ANTXR1: variants seen among roughly 807,000 people sequenced by gnomAD.
ANTXR1 encodes ANTXR cell adhesion molecule 1, also known as anthrax toxin receptor 1.
A neutral mutation model predicts 78.1 loss-of-function variants in ANTXR1; 19 were observed. The observed-to-expected ratio is 0.24, with a 90% CI of 0.17 to 0.36. ANTXR1 has a LOEUF of 0.36. Among genes scored for constraint, ANTXR1 ranks in the 10% least tolerant of loss-of-function variants. The pLI, the probability that ANTXR1 is intolerant of heterozygous loss-of-function variation, is 1.00. For missense variants in ANTXR1, 518 were observed against 718.6 expected (o/e 0.72, Z 3.19); for synonymous variants, 273 against 260.5 (o/e 1.05, Z -0.46).
chr2:69,139,796 G>T (rs1014757385), intron 12 of ANTXR1, among the ~76,000 whole-genome samples: 2 of 152,152 alleles, frequency 1.3e-5, no homozygotes, highest in African/African-American at 4.8e-5. Flanking sequence ...GACCAATTGA[G>T]CATATACATT....
chr2:69,142,126 G>A (rs987118140), intron 12 of ANTXR1, among the ~76,000 whole-genome samples: 1 of 152,172 alleles, frequency 6.6e-6, no homozygotes, highest in Non-Finnish European at 1.5e-5. Context: ...TTTAGGATTT[G>A]GATCATCTTT....
chr2:69,216,841 C>T (rs1368816564), intron 17 of ANTXR1, among the ~76,000 whole-genome samples: 2 of 152,234 alleles, frequency 1.3e-5, no homozygotes, highest in African/African-American at 2.4e-5. Context: ...GTTCTTCCTA[C>T]ATTCTTGACC....
chr2:69,163,183 A>T (rs1363266692), intron 13 of ANTXR1, among the ~76,000 whole-genome samples: 2 of 152,072 alleles, frequency 1.3e-5, no homozygotes, highest in Non-Finnish European at 2.9e-5. Flanking sequence ...GACGGAAGGA[A>T]GGACATTCTT....
At chr2:69,106,939 G>A (rs994580467) in intron 10 of ANTXR1, among the ~76,000 whole-genome samples, 2 of 152,204 alleles carry the variant, frequency 1.3e-5, no homozygotes, top group African/African-American at 4.8e-5. Flanking sequence ...ACATGAAACA[G>A]ATCATAGGGG....
chr2:69,245,143 C>T lies in ANTXR1; in HGVS notation c.1435-82C>T, dbSNP rs1252865878. The T allele has an allele frequency of 9.7e-6, 15 of 1,553,276 alleles. No individual in the cohort carries two copies. The African/African-American group carries it at 1.5e-4, about 15-fold the overall frequency. On this transcript the variant is annotated intron_variant, in intron 17 of 17. Coordinates refer to ENST00000303714, the MANE Select transcript of ANTXR1 (RefSeq NM_032208.3). ...ACAGGGGCCAGCTTTCCACATATTG[C>T]TTGCAAGCCGCCCACCACAGCACCA... is the stretch of plus-strand genomic sequence containing the variant.
In ANTXR1 at chr2:69,073,110, C is replaced by T. The variant is rs757240018; in HGVS notation, c.492+9C>T. 2.0e-5 allele frequency: 32 copies of T among 1,613,594 alleles called. No homozygotes were observed. Among genetic ancestry groups the T allele is most frequent in the African/African-American group, 8.0e-5 (6 of 74,910 alleles). ...TCTATTCAGAGAGGGAGGTAAGCAACGGCCTGGCTGTGTCTAAACATATAC... is the reference window on the plus strand; with the variant it reads ...TCTATTCAGAGAGGGAGGTAAGCAATGGCCTGGCTGTGTCTAAACATATAC... On this transcript the variant is annotated intron_variant, in intron 6 of 17. Coordinates refer to ENST00000303714, the MANE Select transcript of ANTXR1 (RefSeq NM_032208.3).
chr2:69,013,408 G>A lies in ANTXR1; in HGVS notation c.-92G>A. ...GCGAGGGGGAATAAAGGACCCGCGA[G>A]GAAGGGCCCGCGGATGGCGCGTCCC... On this transcript the variant is annotated 5_prime_UTR_variant, in exon 1 of 18. Coordinates refer to ENST00000303714, the MANE Select transcript of ANTXR1 (RefSeq NM_032208.3). This position sits in a 1 kb window ranked among gnomAD's most constrained non-coding sequence, Gnocchi z 5.0. The A allele has an allele frequency of 1.3e-6, 2 of 1,541,146 alleles. No homozygotes were observed. Among genetic ancestry groups the A allele is most frequent in the South Asian group, 1.2e-5 (1 of 84,424 alleles).
At chr2:69,163,160 G>A (rs59195633) in intron 13 of ANTXR1, among the ~76,000 whole-genome samples, 30,823 of 151,878 alleles carry the variant, frequency 0.2, 4,472 homozygotes, top group East Asian at 0.48. Flanking sequence ...GTGGCTTTGA[G>A]CTACAGAAAC....
chr2:69,022,980 C>T (rs1370201864), intron 1 of ANTXR1, among the ~76,000 whole-genome samples: 3 of 152,208 alleles, frequency 2.0e-5, no homozygotes, highest in Admixed American at 1.3e-4. Context: ...AGCCAGGACA[C>T]TCCTTTGCTT....
rs150115584 is a variant in ANTXR1, at chr2:69,245,229, G to A, written c.1439G>A (p.Arg480His). Reference sequence around the variant, plus strand: ...TTCTCTCCAATTCTTTTCTAGGGGCGCTGCATCAACTTCACCAGGGTCAAG... The same window carrying A: ...TTCTCTCCAATTCTTTTCTAGGGGCACTGCATCAACTTCACCAGGGTCAAG... ...VMRPQPGDTG[R>H]CINFTRVKNN... The change falls in exon 18 of 18, where the codon CGC becomes CAC. Residue 480 changes from arginine (R) to histidine (H), a missense_variant. Transcript: ENST00000303714. 2.2e-4 allele frequency: 352 copies of A among 1,613,912 alleles called. No homozygotes were observed. Among genetic ancestry groups the A allele is most frequent in the Non-Finnish European group, 1.4e-4 (165 of 1,179,984 alleles).
intron 12 of ANTXR1, chr2:69,146,220 G>T (rs753362123): frequency 2.3e-4 from 225 of 985,256 alleles, no homozygotes; most frequent in Non-Finnish European, 2.6e-4. Flanking sequence ...GAAAATGGAT[G>T]ATCCCCCAAC....
chr2:69,108,730 T>C (rs1372024989), intron 10 of ANTXR1, among the ~76,000 whole-genome samples: 1 of 152,204 alleles, frequency 6.6e-6, no homozygotes, highest in African/African-American at 2.4e-5. Flanking sequence ...TGGTTTTCTC[T>C]TCCTGCATTA....
chr2:69,186,378 G>T (rs565881223), intron 16 of ANTXR1, among the ~76,000 whole-genome samples: 17 of 152,352 alleles, frequency 1.1e-4, no homozygotes, highest in African/African-American at 4.1e-4. Flanking sequence ...TCCACAATGA[G>T]TCCCGTGCTA....
intron 1 of ANTXR1, among the ~76,000 whole-genome samples, chr2:69,022,035 A>T (rs749166525): frequency 6.6e-6 from 1 of 152,188 alleles, no homozygotes; most frequent in Non-Finnish European, 1.5e-5. Flanking sequence ...AGAAATGGAG[A>T]TTAGACATGC....
chr2:69,144,724 A>G (rs62134411), intron 12 of ANTXR1, among the ~76,000 whole-genome samples: 17,218 of 152,314 alleles, frequency 0.11, 1,119 homozygotes, highest in South Asian at 0.15. Context: ...CTTACAAGAT[A>G]GTCTAACCGT....
chr2:69,170,251 A>G lies in ANTXR1; in HGVS notation c.1051A>G (p.Ile351Val), dbSNP rs771306203. The G allele has an allele frequency of 2.5e-6, 4 of 1,614,172 alleles. No individual in the cohort carries two copies. Among genetic ancestry groups the G allele is most frequent in the Admixed American group, 1.7e-5 (1 of 60,024 alleles). The change falls in exon 14 of 18, where the codon ATC becomes GTC. Residue 351 changes from isoleucine (I) to valine (V), a missense_variant. Ile to Val is a conservative substitution (Grantham distance 29). Coordinates refer to ENST00000303714, the MANE Select transcript of ANTXR1 (RefSeq NM_032208.3). ...WFWPLCCTVI[I>V]KEVPPPPAEE... ...CTGTTCTCTGTTTTCTTTTCAGATT[A>G]TCAAGGAGGTCCCTCCACCCCCTGC... is the stretch of plus-strand genomic sequence containing the variant.
At chr2:69,159,429 G>A (rs920343867) in intron 13 of ANTXR1, among the ~76,000 whole-genome samples, 2 of 151,716 alleles carry the variant, frequency 1.3e-5, no homozygotes, top group East Asian at 1.9e-4. Context: ...ATAAAGTTCC[G>A]GAAATTAGTT....
chr2:69,032,507 G>C (rs968607599), intron 1 of ANTXR1, among the ~76,000 whole-genome samples: 2 of 151,972 alleles, frequency 1.3e-5, no homozygotes, highest in Admixed American at 6.6e-5. Flanking sequence ...ACTCTCACCC[G>C]ACGATGTTGA....
chr2:69,213,469 G>C (rs1228745018), intron 17 of ANTXR1, among the ~76,000 whole-genome samples: 1 of 152,232 alleles, frequency 6.6e-6, no homozygotes, highest in Non-Finnish European at 1.5e-5. Flanking sequence ...AGGGACCAGA[G>C]CTTCTATTTT....
Sources: allele counts gnomAD v4.1 joint callset (sites outside exome capture counted in the v4.1 genomes callset), GRCh38; gene constraint gnomAD v4.1.1; non-coding constraint Gnocchi (gnomAD v3.1); transcripts MANE v1.5; gene names NCBI Gene and HGNC (gene_info 2026-07-23, HGNC 2026-07-21).